Variants in SLC39A11 observed in about 807,000 individuals in gnomAD.
The protein encoded by SLC39A11 is solute carrier family 39 member 11, also known as zinc transporter ZIP11.
Under a neutral mutation model 36.1 loss-of-function variants are expected in SLC39A11, and 33 were observed. The ratio of observed to expected loss-of-function variants is 0.91; its 90% confidence interval spans 0.69 to 1.22. SLC39A11 has a LOEUF of 1.22. SLC39A11 is among the 50% of genes most tolerant of loss of function. SLC39A11 has a pLI of 0.00. For synonymous variants in SLC39A11, 166 were observed against 170.3 expected (o/e 0.97, Z 0.20); for missense variants, 432 against 430.3 (o/e 1.00, Z -0.03).
chr17:72,696,217 G>A (rs116571370), intron 7 of SLC39A11, among the ~76,000 whole-genome samples: 43 of 152,098 alleles, frequency 2.8e-4, no homozygotes, highest in African/African-American at 9.6e-4. Flanking sequence ...TTTCAGTTGC[G>A]GTCCAAGGTG....
chr17:72,839,383 C>T (rs1369832338), intron 6 of SLC39A11: 1 of 151,984 alleles, frequency 6.6e-6, no homozygotes, highest in Admixed American at 6.6e-5. Flanking sequence ...TCTGGGTGGT[C>T]CCTCAATGCA....
chr17:72,870,943 C>G lies in SLC39A11; in HGVS notation c.431-21139G>C, dbSNP rs185839383. 4.6e-3 allele frequency among the ~76,000 whole-genome samples: 701 copies of G among 152,104 alleles called. 4 individuals carry two copies. Among genetic ancestry groups the G allele is most frequent in the African/African-American group, 0.016 (672 of 41,502 alleles). ...TTCCTGACACAGAGCTCTTAAAATC[C>G]TTGTACATTTCCTAAGTGATAGGAA... On this transcript the variant is annotated intron_variant, in intron 5 of 9. Transcript: ENST00000255559.
chr17:72,751,544 T>A (rs2075156681), intron 6 of SLC39A11, among the ~76,000 whole-genome samples: 1 of 152,202 alleles, frequency 6.6e-6, no homozygotes, highest in Non-Finnish European at 1.5e-5. Flanking sequence ...GTGCAATCAC[T>A]TTTGTACAGC....
intron 7 of SLC39A11, among the ~76,000 whole-genome samples, chr17:72,694,051 T>C (rs1180783771): frequency 6.6e-6 from 1 of 152,128 alleles, no homozygotes; most frequent in Non-Finnish European, 1.5e-5. Context: ...GGGGCTGGAC[T>C]GAGGGAGTCC....
At chr17:73,051,079 A>T (rs780949518) in intron 3 of SLC39A11, among the ~76,000 whole-genome samples, 1 of 152,214 alleles carries the variant, frequency 6.6e-6, no homozygotes, top group Non-Finnish European at 1.5e-5. Context: ...AGAAGTTAGA[A>T]ATGCAAAATC....
intron 3 of SLC39A11, among the ~76,000 whole-genome samples, chr17:73,045,344 A>G (rs2059245733): frequency 7.4e-6 from 1 of 135,586 alleles, no homozygotes. Context: ...AAATTTATTG[A>G]CCAGTCACCT....
chr17:72,908,185 C>A (rs1485263575), intron 5 of SLC39A11, among the ~76,000 whole-genome samples: 1 of 152,208 alleles, frequency 6.6e-6, no homozygotes, highest in Admixed American at 6.5e-5. Flanking sequence ...CTTTAGCCAG[C>A]GTCCAGGCCA....
At chr17:72,669,293 A>G (rs2070891743) in intron 7 of SLC39A11, among the ~76,000 whole-genome samples, 1 of 152,220 alleles carries the variant, frequency 6.6e-6, no homozygotes, top group Non-Finnish European at 1.5e-5. Flanking sequence ...TTCAAGTCTC[A>G]TCAATTCTCC....
At chr17:72,862,442 C>T (rs763864440) in intron 5 of SLC39A11, among the ~76,000 whole-genome samples, 1 of 152,192 alleles carries the variant, frequency 6.6e-6, no homozygotes, top group African/African-American at 2.4e-5. Context: ...ATGGACCCTG[C>T]TTGGTGAACC....
intron 7 of SLC39A11, among the ~76,000 whole-genome samples, chr17:72,717,137 T>C (rs1302435831): frequency 1.4e-5 from 2 of 147,790 alleles, no homozygotes; most frequent in African/African-American, 4.9e-5. Flanking sequence ...TATATACTTA[T>C]ATGTGTATAT....
chr17:72,955,781 C>T (rs1423859187), intron 4 of SLC39A11, among the ~76,000 whole-genome samples: 3 of 152,040 alleles, frequency 2.0e-5, no homozygotes, highest in Non-Finnish European at 4.4e-5. Flanking sequence ...TTGCATAATA[C>T]AGAACATACC....
intron 5 of SLC39A11, among the ~76,000 whole-genome samples, chr17:72,917,175 G>A (rs2083380688): frequency 6.6e-6 from 1 of 152,182 alleles, no homozygotes; most frequent in Non-Finnish European, 1.5e-5. Context: ...CCCATCACCT[G>A]CCAACTCAAG....
At chr17:72,692,226 T>C (rs1490976711) in intron 7 of SLC39A11, among the ~76,000 whole-genome samples, 1 of 152,106 alleles carries the variant, frequency 6.6e-6, no homozygotes, top group African/African-American at 2.4e-5. Flanking sequence ...TTAGCCAGGA[T>C]GGTCTCGATC....
chr17:72,792,478 T>C (rs1273172760), intron 6 of SLC39A11, among the ~76,000 whole-genome samples: 1 of 152,168 alleles, frequency 6.6e-6, no homozygotes, highest in African/African-American at 2.4e-5. Context: ...CGCAGCTAAG[T>C]CTTTGAGGTT....
chr17:73,061,189 G>A (rs562085593), intron 3 of SLC39A11, among the ~76,000 whole-genome samples: 1 of 152,098 alleles, frequency 6.6e-6, no homozygotes, highest in South Asian at 2.1e-4. Context: ...GTGAAACCCC[G>A]TCTCTACTGA....
At chr17:72,950,717 G>T (rs977569716) in intron 4 of SLC39A11, among the ~76,000 whole-genome samples, 1 of 152,144 alleles carries the variant, frequency 6.6e-6, no homozygotes, top group Admixed American at 6.5e-5. Context: ...GCATTAATAC[G>T]CATTAAGCTG....
Position 72,784,821 on chromosome 17 carries a change from G to T in SLC39A11, c.602-48102C>A, listed in dbSNP as rs190539029. On this transcript the variant is annotated intron_variant, in intron 6 of 9. Coordinates refer to ENST00000255559, the MANE Select transcript of SLC39A11 (RefSeq NM_139177.4). ...CAGCACCATGCTTCCTGTAAAGCCT[G>T]CAGAACTGTGGGCCAATTAAACCTC... Among the ~76,000 whole-genome samples, 237 of 151,262 alleles carry T rather than the reference G, an allele frequency of 1.6e-3. 9 individuals are homozygous for T. In the East Asian group the frequency reaches 0.029, roughly 19 times the overall value.
At chr17:72,691,803 A>C (rs138842152) in intron 7 of SLC39A11, among the ~76,000 whole-genome samples, 224 of 152,218 alleles carry the variant, frequency 1.5e-3, no homozygotes, top group African/African-American at 5.0e-3. Context: ...TGCAAACATA[A>C]AGATTTCTGG....
At chr17:73,078,638 C>A (rs908968010) in intron 3 of SLC39A11, among the ~76,000 whole-genome samples, 1 of 152,016 alleles carries the variant, frequency 6.6e-6, no homozygotes, top group Non-Finnish European at 1.5e-5. Flanking sequence ...AGGTGCCCGC[C>A]ACCATGCCTG....
Sources: gnomAD v4.1 joint callset for allele counts (sites outside exome capture counted in the v4.1 genomes callset) on GRCh38, gnomAD v4.1.1 for gene constraint, MANE v1.5 for transcripts, NCBI Gene and HGNC (gene_info 2026-07-23, HGNC 2026-07-21) for gene names.